The following MCTP2 variants were observed in gnomAD, a reference collection of about 807,000 sequenced individuals.
The protein encoded by MCTP2 is multiple C2 and transmembrane domain-containing protein 2.
MCTP2 carries 132 observed loss-of-function variants against 111.6 expected under a neutral mutation model. That is an observed-to-expected ratio of 1.18 (90% CI 1.03 to 1.37). The LOEUF is 1.37. MCTP2 is among the 40% of genes most tolerant of loss of function. MCTP2 has a pLI of 0.00. For missense variants in MCTP2, 1,183 were observed against 1,067.9 expected (o/e 1.11, Z -1.50); for synonymous variants, 395 against 387.7 (o/e 1.02, Z -0.22).
chr15:94,403,511 G>A (rs1448993342), intron 17 of MCTP2, among the ~76,000 whole-genome samples: 6 of 152,202 alleles, frequency 3.9e-5, no homozygotes, highest in East Asian at 3.8e-4. Flanking sequence ...CCTCTTTCTC[G>A]AGTTTAGTTT....
chr15:94,269,365 TGTAAGAATAATTGATAGAATTTAGGG>T (rs1324554289), intron 1 of MCTP2, among the ~76,000 whole-genome samples: 1 of 152,232 alleles, frequency 6.6e-6, no homozygotes, highest in Non-Finnish European at 1.5e-5. Context: ...AGGCTTTAGG[TGTAAGAATAATTGATAGAATTTAGGG>T]GTAAGAATAA....
chr15:94,243,182 C>T (rs944532117), intron 1 of MCTP2, among the ~76,000 whole-genome samples: 1 of 141,504 alleles, frequency 7.1e-6, no homozygotes, highest in Admixed American at 6.9e-5. Flanking sequence ...TACGTATGTA[C>T]GTATGCGTAT....
intron 1 of MCTP2, among the ~76,000 whole-genome samples, chr15:94,244,133 C>T (rs1272564609): frequency 2.1e-5 from 3 of 143,358 alleles, no homozygotes; most frequent in African/African-American, 5.3e-5. Flanking sequence ...CACATGTATA[C>T]ACATGCATAT....
At chr15:94,415,943 T>G (rs1342735131) in intron 17 of MCTP2, among the ~76,000 whole-genome samples, 2 of 152,158 alleles carry the variant, frequency 1.3e-5, no homozygotes, top group Non-Finnish European at 2.9e-5. Context: ...ACTAGTTCTT[T>G]CCCAATGGCA....
chr15:94,438,658 A>G (rs1204290871), intron 17 of MCTP2, among the ~76,000 whole-genome samples: 1 of 152,184 alleles, frequency 6.6e-6, no homozygotes, highest in Non-Finnish European at 1.5e-5. Flanking sequence ...CTTGATCTTA[A>G]AAATTATACC....
chr15:94,298,842 C>CTT (rs1596298460), intron 2 of MCTP2, 112 bp downstream of exon 2: 6 of 456,406 alleles, frequency 1.3e-5, no homozygotes, highest in Non-Finnish European at 2.2e-5. Context: ...CCCTCCCTCT[C>CTT]TCTTCCCCCC....
chr15:94,243,986 T>C (rs1037707001), intron 1 of MCTP2, among the ~76,000 whole-genome samples: 11 of 147,462 alleles, frequency 7.5e-5, no homozygotes, highest in Non-Finnish European at 1.4e-4. Flanking sequence ...TACACATACA[T>C]ATGTGTATAT....
At chr15:94,256,289 C>T (rs1002892826) in intron 1 of MCTP2, among the ~76,000 whole-genome samples, 5 of 152,102 alleles carry the variant, frequency 3.3e-5, no homozygotes, top group African/African-American at 1.2e-4. Flanking sequence ...TGGGTCCTGT[C>T]CCCAAGACAT....
At chr15:94,417,818 T>C (rs1401228133) in intron 17 of MCTP2, among the ~76,000 whole-genome samples, 2 of 152,144 alleles carry the variant, frequency 1.3e-5, no homozygotes, top group East Asian at 3.8e-4. Context: ...TGTACTTTGC[T>C]ATAAATAGCA....
chr15:94,249,475 T>A (rs1452501914), intron 1 of MCTP2, among the ~76,000 whole-genome samples: 1 of 151,768 alleles, frequency 6.6e-6, no homozygotes, highest in East Asian at 1.9e-4. Context: ...TATTTCCCAC[T>A]GAGTCTCAGA....
At chr15:94,345,201 A>T in intron 8 of MCTP2, 37 bp downstream of exon 8, 15 of 1,593,016 alleles carry the variant, frequency 9.4e-6, no homozygotes, top group Non-Finnish European at 1.3e-5. Context: ...TCATTTGGTT[A>T]AAAACTTTGT....
rs1318788419 is a variant in MCTP2, at chr15:94,331,417, G to A, written c.638-7873G>A. Among the ~76,000 whole-genome samples the A allele has an allele frequency of 3.9e-5, 6 of 152,114 alleles. No individual in the cohort carries two copies. In the South Asian group the frequency reaches 1.2e-3, roughly 32 times the overall value. ...AAAAGACAAGATGTTAGGGGAAGAG[G>A]TTGGGGAGGGACTGAGAGTAGGAGA... On this transcript the variant is annotated intron_variant, in intron 4 of 22. Transcript: ENST00000357742.
In MCTP2 at chr15:94,424,896, A is replaced by ATT. The variant is rs141622555; in HGVS notation, c.2086-15272_2086-15271dup. On this transcript the variant is annotated intron_variant, in intron 17 of 22. Transcript: ENST00000357742. The stretch of plus-strand genomic sequence containing the variant: ...TTGCCTAATTTTCTTCTCCCCCTAC[A>ATT]TTTTTTTTTGTATAAGCATTTAATC... Among the ~76,000 whole-genome samples, 7 of 150,086 alleles carry ATT rather than the reference A, an allele frequency of 4.7e-5. No homozygotes were observed. In the South Asian group the frequency reaches 1.5e-3, roughly 32 times the overall value.
intron 1 of MCTP2, among the ~76,000 whole-genome samples, chr15:94,234,974 G>A (rs1228732773): frequency 1.3e-5 from 2 of 152,066 alleles, no homozygotes; most frequent in Admixed American, 6.6e-5. Flanking sequence ...GGTGGTGGTC[G>A]GGCACAGTGG....
intron 1 of MCTP2, among the ~76,000 whole-genome samples, chr15:94,275,286 C>A (rs993305832): frequency 1.1e-4 from 16 of 151,976 alleles, no homozygotes; most frequent in African/African-American, 3.6e-4. Context: ...ACAGAATAAA[C>A]AAGTCATAAG....
At chr15:94,415,316 A>G (rs964042903) in intron 17 of MCTP2, among the ~76,000 whole-genome samples, 3 of 152,168 alleles carry the variant, frequency 2.0e-5, no homozygotes, top group Admixed American at 6.6e-5. Context: ...TAGATCAAGT[A>G]ACCTAGACGG....
chr15:94,314,451 A>AT, intron 3 of MCTP2, 107 bp downstream of exon 3: 1 of 854,966 alleles, frequency 1.2e-6, no homozygotes, highest in African/African-American at 1.7e-5. Flanking sequence ...AAAAAAAAAA[A>AT]ATGCCAAACC....
chr15:94,394,920 T>C (rs907395433), intron 14 of MCTP2, among the ~76,000 whole-genome samples: 1 of 152,160 alleles, frequency 6.6e-6, no homozygotes, highest in Non-Finnish European at 1.5e-5. Context: ...AGTGGATGAA[T>C]GGATTGTCTC....
chr15:94,472,650 G>A (rs138793655), intron 21 of MCTP2, among the ~76,000 whole-genome samples: 8 of 152,226 alleles, frequency 5.3e-5, no homozygotes, highest in East Asian at 3.9e-4. Context: ...TGTACTTTAC[G>A]TCTGGTTCTT....
Sources: gnomAD v4.1 joint callset for allele counts (sites outside exome capture counted in the v4.1 genomes callset) on GRCh38, gnomAD v4.1.1 for gene constraint, MANE v1.5 for transcripts, NCBI Gene and HGNC (gene_info 2026-07-23, HGNC 2026-07-21) for gene names.